Variants in ACVR1B observed in about 807,000 individuals in gnomAD.
ACVR1B encodes activin A receptor type 1B.
In ACVR1B, 15 loss-of-function variants were observed where a neutral mutation model predicts 55.6. The ratio of observed to expected loss-of-function variants is 0.27; its 90% confidence interval spans 0.18 to 0.42. The LOEUF is 0.42. Among genes scored for constraint, ACVR1B ranks in the 10% least tolerant of loss-of-function variants. ACVR1B has a pLI of 1.00. For synonymous variants in ACVR1B, 247 were observed against 254.6 expected, an observed-to-expected ratio of 0.97 and a Z score of 0.28; for missense variants, 359 against 670.1, an observed-to-expected ratio of 0.54 and a Z score of 5.13.
chr12:51,992,076 C>A (rs903996568), intron 8 of ACVR1B, 83 bp downstream of exon 8: 3 of 1,558,714 alleles, frequency 1.9e-6, no homozygotes, highest in Non-Finnish European at 2.6e-6. Context: ...GGGGTCAGGC[C>A]CCAGAGGAGC....
At position 51,994,384 on chromosome 12, in the gene ACVR1B, A is replaced by G. The variant is rs1942259430; in HGVS notation, c.*274A>G. 2.6e-6 allele frequency: 1 copy of G among 382,258 alleles called. No individual in the cohort carries two copies. The highest frequency in any genetic ancestry group is 4.8e-6 in the Non-Finnish European group (1 of 208,410). The allele number at this position is 382,258 out of a possible 1,614,324, so 23.7% of individuals were successfully genotyped here. On this transcript the variant is annotated 3_prime_UTR_variant, in exon 9 of 9. Transcript: ENST00000257963. This position sits in a 1 kb window ranked among gnomAD's most constrained non-coding sequence, Gnocchi z 4.2. Reference sequence around the variant, plus strand: ...CACACCTCGAACTGGTTGTAGTGGGAAGTCCCGCGAAACCCGGTGCATCTG... The same window carrying G: ...CACACCTCGAACTGGTTGTAGTGGGGAGTCCCGCGAAACCCGGTGCATCTG...
intron 3 of ACVR1B, among the ~76,000 whole-genome samples, chr12:51,979,115 A>T (rs998646665): frequency 1.4e-5 from 2 of 146,204 alleles, no homozygotes; most frequent in African/African-American, 5.2e-5. Flanking sequence ...GTGAGCCCAG[A>T]TCATGCCATT....
intron 1 of ACVR1B, among the ~76,000 whole-genome samples, chr12:51,974,616 C>T (rs1941811402): frequency 6.6e-6 from 1 of 152,120 alleles, no homozygotes; most frequent in South Asian, 2.1e-4. Flanking sequence ...TGCATTATCT[C>T]ACTTAATTCT....
intron 1 of ACVR1B, among the ~76,000 whole-genome samples, chr12:51,959,439 C>T (rs966409482): frequency 6.6e-6 from 1 of 152,220 alleles, no homozygotes; most frequent in African/African-American, 2.4e-5. Context: ...CTAGGAGGAA[C>T]ATGGGGACCT....
intron 5 of ACVR1B, 131 bp from the exon 6 acceptor site, chr12:51,985,061 C>T: frequency 1.1e-6 from 1 of 905,746 alleles, no homozygotes; most frequent in Non-Finnish European, 1.6e-6. Context: ...GGGCTAAAGT[C>T]ACTTTTCCAG....
chr12:51,982,889 C>T, intron 4 of ACVR1B: 1 of 1,343,190 alleles, frequency 7.4e-7, no homozygotes. Flanking sequence ...ATCATGTCTT[C>T]TCTTTGAACT....
chr12:51,993,688 A>G (rs1274682774), intron 8 of ACVR1B, among the ~76,000 whole-genome samples: 1 of 144,280 alleles, frequency 6.9e-6, no homozygotes, highest in Non-Finnish European at 1.5e-5. Context: ...AATCACTTGA[A>G]CCCGGGAGGC....
At position 51,976,331 on chromosome 12, in the gene ACVR1B, C is replaced by T. The variant is rs752771832; in HGVS notation, c.336C>T (p.His112=). 5 of 1,614,046 alleles carry T rather than the reference C, an allele frequency of 3.1e-6. No homozygotes were observed. The Admixed American group carries it at 5.0e-5, about 16-fold the overall frequency. The change falls in exon 3 of 9, where the codon CAC becomes CAT. Residue 112 remains histidine (H), a synonymous_variant. Coordinates refer to ENST00000257963, the MANE Select transcript of ACVR1B (RefSeq NM_004302.5). ...NRIDLRVPSG[H]LKEPEHPSMW... ...CTCCTCTCTCACTTGACTCAGGTCA[C>T]CTCAAGGAGCCTGAGCACCCGTCCA...
intron 1 of ACVR1B, among the ~76,000 whole-genome samples, chr12:51,958,180 A>C (rs1249671652): frequency 6.6e-6 from 1 of 152,220 alleles, no homozygotes; most frequent in Non-Finnish European, 1.5e-5. Context: ...AAATTGTAGA[A>C]TTTCACTAAA....
intron 3 of ACVR1B, 110 bp from the exon 4 acceptor site, chr12:51,980,859 T>C (rs2120657648): frequency 1.2e-6 from 1 of 861,416 alleles, no homozygotes; most frequent in Non-Finnish European, 1.8e-6. Flanking sequence ...ATGGACAGCG[T>C]AGGATGAAGA....
At chr12:51,968,926 A>C (rs542674960) in intron 1 of ACVR1B, among the ~76,000 whole-genome samples, 3 of 152,322 alleles carry the variant, frequency 2.0e-5, no homozygotes, top group Admixed American at 6.5e-5. Context: ...AAAATCCCCC[A>C]AAATCAGAAA....
chr12:51,954,900 A>G (rs1941378578), intron 1 of ACVR1B, among the ~76,000 whole-genome samples: 2 of 152,234 alleles, frequency 1.3e-5, no homozygotes, highest in Middle Eastern at 6.8e-3. Context: ...AGAAAAACAT[A>G]CTCTGTGATT....
In ACVR1B at chr12:51,994,340, T is replaced by G. The variant is rs112670198; in HGVS notation, c.*230T>G. 393 of 509,692 alleles carry G rather than the reference T, an allele frequency of 7.7e-4. 5 individuals carry two copies. The highest frequency in any genetic ancestry group is 6.7e-3 in the African/African-American group (344 of 50,992). The allele number at this position is 509,692 out of a possible 1,614,324, so 31.6% of individuals were successfully genotyped here. A position where few individuals can be genotyped will look rare whatever the true frequency, so the allele number is the denominator to read the frequency against. On this transcript the variant is annotated 3_prime_UTR_variant, in exon 9 of 9. Transcript: ENST00000257963. The surrounding 1 kb of genome is among the most constrained non-coding windows in gnomAD (Gnocchi z 4.2). ...TGGCATGGAGACTCTGAGAGCGAAT[T>G]GTGTGGAGAACTCAGTGCCACACCT... is the stretch of plus-strand genomic sequence containing the variant.
intron 4 of ACVR1B, among the ~76,000 whole-genome samples, chr12:51,981,843 C>T (rs796890094): frequency 8.1e-5 from 11 of 135,000 alleles, no homozygotes; most frequent in East Asian, 6.1e-4. Context: ...AGCGAGACTC[C>T]GTCTCAAAAA....
At chr12:51,974,388 G>A (rs1941803855) in intron 1 of ACVR1B, among the ~76,000 whole-genome samples, 1 of 152,176 alleles carries the variant, frequency 6.6e-6, no homozygotes, top group Non-Finnish European at 1.5e-5. Context: ...GGCTTTCAGA[G>A]GCGCCAAATT....
At chr12:51,993,487 T>G (rs1337121031) in intron 8 of ACVR1B, among the ~76,000 whole-genome samples, 1 of 151,950 alleles carries the variant, frequency 6.6e-6, no homozygotes, top group Non-Finnish European at 1.5e-5. Context: ...AAGAGCCGCC[T>G]GGCGCGGTGG....
chr12:51,984,869 T>C (rs1477464380), intron 5 of ACVR1B, among the ~76,000 whole-genome samples: 1 of 152,228 alleles, frequency 6.6e-6, no homozygotes, highest in Non-Finnish European at 1.5e-5. Context: ...AGCACTTCTG[T>C]ACCTGAGCAT....
At chr12:51,984,899 G>A (rs896975413) in intron 5 of ACVR1B, among the ~76,000 whole-genome samples, 3 of 152,238 alleles carry the variant, frequency 2.0e-5, no homozygotes, top group African/African-American at 7.2e-5. Context: ...GGGAAGGCGA[G>A]TAGTAGTAGT....
intron 1 of ACVR1B, among the ~76,000 whole-genome samples, chr12:51,952,768 C>A (rs1565606949): frequency 6.6e-6 from 1 of 152,116 alleles, no homozygotes; most frequent in Admixed American, 6.5e-5. Context: ...ATTCCCGGCC[C>A]TTGGTCAGTA....
Sources: allele counts gnomAD v4.1 joint callset (sites outside exome capture counted in the v4.1 genomes callset), GRCh38; gene constraint gnomAD v4.1.1; non-coding constraint Gnocchi (gnomAD v3.1); transcripts MANE v1.5; gene names NCBI Gene and HGNC (gene_info 2026-07-23, HGNC 2026-07-21).